Variants in F13A1 observed in about 807,000 individuals in gnomAD.
F13A1 encodes FSF, A subunit.
F13A1 carries 47 observed loss-of-function variants against 80.1 expected under a neutral mutation model. The ratio of observed to expected loss-of-function variants is 0.59; its 90% CI spans 0.46 to 0.75. The LOEUF is 0.75. Among genes scored for constraint, F13A1 ranks in the 30% least tolerant of loss-of-function variants. F13A1 has a pLI of 0.00. For missense variants in F13A1, 817 were observed against 930.4 expected (o/e 0.88, Z 1.59); for synonymous variants, 349 against 344.9 (o/e 1.01, Z -0.13).
chr6:6,206,582 G>A, intron 8 of F13A1: 1 of 508,580 alleles, frequency 2.0e-6, no homozygotes, highest in Non-Finnish European at 4.0e-6. Context: ...AGACATTCCA[G>A]CAGCAGGAAT....
At chr6:6,222,486 T>A (rs891387761) in intron 7 of F13A1, among the ~76,000 whole-genome samples, 9 of 152,126 alleles carry the variant, frequency 5.9e-5, no homozygotes, top group African/African-American at 2.2e-4. Flanking sequence ...TTTAGTCCCA[T>A]GAATGGGACT....
chr6:6,265,719 C>T (rs1583101627), intron 4 of F13A1, among the ~76,000 whole-genome samples: 1 of 152,204 alleles, frequency 6.6e-6, no homozygotes, highest in African/African-American at 2.4e-5. Context: ...CCACTATGCA[C>T]ATAAACAACT....
rs190743750 is a variant in F13A1, at chr6:6,309,504, C to A, written c.131-3965G>T. On this transcript the variant is annotated intron_variant, in intron 2 of 14. Coordinates refer to ENST00000264870, the MANE Select transcript of F13A1 (RefSeq NM_000129.4). ...AGGTGAAGACTGAGGCAAGAGAGTG[C>A]ATAGTTGCTTAAGAAATTGAAAGAT... Among the ~76,000 whole-genome samples the A allele has an allele frequency of 3.9e-3, 590 of 152,216 alleles. 11 individuals carry two copies. Among genetic ancestry groups the A allele is most frequent in the Admixed American group, 0.032 (493 of 15,278 alleles).
At chr6:6,242,149 G>C (rs559897883) in intron 6 of F13A1, among the ~76,000 whole-genome samples, 84 of 152,330 alleles carry the variant, frequency 5.5e-4, no homozygotes, top group African/African-American at 1.8e-3. Flanking sequence ...TAGGATCACA[G>C]ATGCATGAGG....
chr6:6,230,679 C>T (rs1254228715), intron 6 of F13A1, among the ~76,000 whole-genome samples: 1 of 152,184 alleles, frequency 6.6e-6, no homozygotes, highest in East Asian at 1.9e-4. Flanking sequence ...AGAACCCTAA[C>T]AGTGTCCATT....
At chr6:6,150,848 GGA>G (rs367878803) in intron 14 of F13A1, among the ~76,000 whole-genome samples, 4 of 151,052 alleles carry the variant, frequency 2.6e-5, no homozygotes, top group African/African-American at 7.3e-5. Flanking sequence ...GGAATGTGTG[GGA>G]GAGAGAGAGA....
chr6:6,308,937 G>A (rs894825340), intron 2 of F13A1, among the ~76,000 whole-genome samples: 1 of 152,024 alleles, frequency 6.6e-6, no homozygotes, highest in Non-Finnish European at 1.5e-5. Flanking sequence ...ATTCAGTTGA[G>A]GCCCCTACAA....
intron 4 of F13A1, among the ~76,000 whole-genome samples, chr6:6,254,123 C>T (rs1757673129): frequency 6.6e-6 from 1 of 152,134 alleles, no homozygotes; most frequent in Admixed American, 6.5e-5. Flanking sequence ...ATTCTCCTAC[C>T]ATATCGGCAA....
At chr6:6,198,290 T>A (rs1221649091) in intron 8 of F13A1, among the ~76,000 whole-genome samples, 1 of 152,228 alleles carries the variant, frequency 6.6e-6, no homozygotes, top group Admixed American at 6.5e-5. Flanking sequence ...AATGCCATCA[T>A]GAATTGTATT....
chr6:6,283,029 G>T (rs1758087536), intron 3 of F13A1, among the ~76,000 whole-genome samples: 2 of 152,176 alleles, frequency 1.3e-5, no homozygotes, highest in Non-Finnish European at 2.9e-5. Context: ...TTAATCGAGT[G>T]GTTAAGTTAA....
chr6:6,269,322 T>A (rs1293589217), intron 3 of F13A1, among the ~76,000 whole-genome samples: 1 of 152,184 alleles, frequency 6.6e-6, no homozygotes, highest in South Asian at 2.1e-4. Context: ...TGTCCTGGGC[T>A]TTCTGATTCC....
At position 6,167,623 on chromosome 6, in the gene F13A1, T is replaced by C. The variant is rs2151072821; in HGVS notation, c.1748-5A>G. The C allele has an allele frequency of 1.2e-6, 2 of 1,613,004 alleles. No individual in the cohort carries two copies. Among genetic ancestry groups the C allele is most frequent in the Non-Finnish European group, 1.7e-6 (2 of 1,179,962 alleles). On this transcript the variant is annotated splice_polypyrimidine_tract_variant and splice_region_variant and intron_variant, in intron 12 of 14. Transcript: ENST00000264870. ...TCAGCACCGCCTCTTTCTTGACTAG[T>C]AGGAGAAAACACACACAGGCCTGGC...
chr6:6,162,724 AC>A lies in F13A1; in HGVS notation c.1908+4733del, dbSNP rs1299208385. Among the ~76,000 whole-genome samples the A allele has an allele frequency of 6.6e-6, 1 of 152,202 alleles. No homozygotes were observed. Among genetic ancestry groups the A allele is most frequent in the Non-Finnish European group, 1.5e-5 (1 of 68,038 alleles). ...GCATCCAATGACTCATAAAAAACTC[AC>A]AAGGACCCCAGGAGGAGAGTTACCA... On this transcript the variant is annotated intron_variant, in intron 13 of 14. Transcript: ENST00000264870. This position sits in a 1 kb window ranked among gnomAD's most constrained non-coding sequence, Gnocchi z 4.2.
chr6:6,254,832 T>G (rs1036701154), intron 4 of F13A1, among the ~76,000 whole-genome samples: 3 of 152,194 alleles, frequency 2.0e-5, no homozygotes, highest in Non-Finnish European at 4.4e-5. Context: ...CTCTAATTTG[T>G]AGATCTTTGA....
chr6:6,269,259 G>C (rs2113127356), intron 3 of F13A1, among the ~76,000 whole-genome samples: 1 of 152,198 alleles, frequency 6.6e-6, no homozygotes, highest in South Asian at 2.1e-4. Context: ...GGTGGTCATA[G>C]TTTGTGATGG....
At chr6:6,294,704 G>T (rs980809988) in intron 3 of F13A1, among the ~76,000 whole-genome samples, 2 of 150,380 alleles carry the variant, frequency 1.3e-5, no homozygotes, top group Admixed American at 6.6e-5. Flanking sequence ...AGATGTACTG[G>T]TAGAGATTCT....
At chr6:6,233,905 A>G (rs1757383582) in intron 6 of F13A1, among the ~76,000 whole-genome samples, 1 of 152,008 alleles carries the variant, frequency 6.6e-6, no homozygotes, top group African/African-American at 2.4e-5. Context: ...ACATTGCTTT[A>G]TCATTAAAAC....
intron 3 of F13A1, among the ~76,000 whole-genome samples, chr6:6,290,885 G>A (rs922913630): frequency 2.6e-5 from 4 of 152,160 alleles, no homozygotes; most frequent in African/African-American, 9.7e-5. Context: ...TATAGGCTAA[G>A]AAATAGTTAT....
In F13A1 at chr6:6,268,995, G is replaced by GC. The variant is rs1554103700; in HGVS notation, c.320-2187_320-2186insG. ...TGTGAGCCACCATGCCTGGCAAATT[G>GC]TTTTTTTTTTTTAAGTATAACTTCT... is the stretch of plus-strand genomic sequence containing the variant. On this transcript the variant is annotated intron_variant, in intron 3 of 14. Coordinates refer to ENST00000264870, the MANE Select transcript of F13A1 (RefSeq NM_000129.4). 5.3e-3 allele frequency among the ~76,000 whole-genome samples: 759 copies of GC among 144,370 alleles called. 3 individuals are homozygous for GC. Among genetic ancestry groups the GC allele is most frequent in the African/African-American group, 0.018 (711 of 39,712 alleles). The allele number at this position is 144,370 out of a possible 152,430, so 94.7% of individuals were successfully genotyped here. A position where few individuals can be genotyped will look rare whatever the true frequency, so the allele number is the denominator to read the frequency against.
Sources: gnomAD v4.1 joint callset for allele counts (sites outside exome capture counted in the v4.1 genomes callset) on GRCh38, gnomAD v4.1.1 for gene constraint, Gnocchi (gnomAD v3.1) non-coding constraint, MANE v1.5 for transcripts, NCBI Gene and HGNC (gene_info 2026-07-23, HGNC 2026-07-21) for gene names.